Variants in RRP9 observed in about 807,000 individuals in gnomAD.
The protein encoded by RRP9 is ribosomal RNA processing 9, U3 small nucleolar RNA binding protein.
In RRP9, 35 loss-of-function variants were observed where a neutral mutation model predicts 65.5. The ratio of observed to expected loss-of-function variants is 0.53; its 90% CI spans 0.41 to 0.71. RRP9 has a LOEUF of 0.71. RRP9 is among the 30% of genes least tolerant of loss of function. The pLI, the probability that RRP9 is intolerant of heterozygous loss-of-function variation, is 0.00. For synonymous variants in RRP9, 254 were observed against 245.0 expected (o/e 1.04, Z -0.34); for missense variants, 533 against 633.6 (o/e 0.84, Z 1.70).
In RRP9 at chr3:51,936,278, T is replaced by C. The variant is rs1460947015; in HGVS notation, c.714A>G (p.Thr238=). ...TCACCGACACTGCATCCCGGTGTCC[T>C]GTGAAGGTGTACAAGTGCTGGCAGC... ...AQSCQHLYTF[T]GHRDAVSGLA... is the part of the protein sequence containing the mutation. Residue 238 remains threonine, a synonymous_variant, in exon 8 of 15, where the codon ACA becomes ACG. Coordinates refer to ENST00000232888, the MANE Select transcript of RRP9 (RefSeq NM_004704.5). 1 of 1,613,948 alleles carries C rather than the reference T, an allele frequency of 6.2e-7. No individual in the cohort carries two copies. The highest frequency in any genetic ancestry group is 2.2e-5 in the East Asian group (1 of 44,888).
Position 51,934,605 on chromosome 3 carries a change from T to A in RRP9, c.1180+26A>T, listed in dbSNP as rs748339736. The A allele has an allele frequency of 6.2e-7, 1 of 1,613,738 alleles. No homozygotes were observed. On this transcript the variant is annotated intron_variant, in intron 12 of 14. Coordinates refer to ENST00000232888, the MANE Select transcript of RRP9 (RefSeq NM_004704.5). The surrounding 1 kb of genome is among the most constrained non-coding windows in gnomAD (Gnocchi z 4.1). Reference sequence around the variant, plus strand: ...CTGCACCGGCCCACCCGGCGACCCCTCCTCCCTGCCTCTCAGGGCACCCAC... The same window carrying A: ...CTGCACCGGCCCACCCGGCGACCCCACCTCCCTGCCTCTCAGGGCACCCAC...
chr3:51,935,114 C>T (rs562631601), intron 11 of RRP9, 83 bp downstream of exon 11: 3 of 1,404,896 alleles, frequency 2.1e-6, no homozygotes, highest in African/African-American at 1.4e-5. Context: ...ACTGGGGGTG[C>T]CCTGAGGCAA....
Position 51,933,520 on chromosome 3 carries a change from C to G in RRP9, c.1414G>C (p.Ala472Pro), listed in dbSNP as rs761785735. 6.2e-7 allele frequency: 1 copy of G among 1,613,894 alleles called. No homozygotes were observed. The highest frequency in any genetic ancestry group is 8.5e-7 in the Non-Finnish European group (1 of 1,179,850). ...IPLRRVPVPP[A>P]AGS ...GGATAAGAGTGTCAGGAACCAGCAG[C>G]TGGGGGTACAGGGACCCTGCGGAGT... Residue 472 changes from alanine to proline, a missense_variant, in exon 15 of 15, where the codon GCT becomes CCT. Ala to Pro is a conservative substitution (Grantham distance 27). Coordinates refer to ENST00000232888, the MANE Select transcript of RRP9 (RefSeq NM_004704.5).
intron 2 of RRP9, among the ~76,000 whole-genome samples, chr3:51,940,031 C>T (rs1436893462): frequency 2.6e-5 from 4 of 152,112 alleles, no homozygotes; most frequent in Admixed American, 1.3e-4. Context: ...CTAAGATGGG[C>T]GGATCACTTG....
Position 51,933,602 on chromosome 3 carries a change from G to A in RRP9, c.1335-3C>T. ...TGATTCTCCACCATCGGCCAAGCCT[G>A]CAGGGAGTGCAAGACGCAGCTGAGA... On this transcript the variant is annotated splice_polypyrimidine_tract_variant and splice_region_variant and intron_variant, in intron 14 of 14. Transcript: ENST00000232888. 2 of 1,613,878 alleles carry A rather than the reference G, an allele frequency of 1.2e-6. No homozygotes were observed. Among genetic ancestry groups the A allele is most frequent in the African/African-American group, 1.3e-5 (1 of 74,992 alleles).
intron 8 of RRP9, among the ~76,000 whole-genome samples, 188 bp downstream of exon 8, chr3:51,936,069 C>T (rs960133254): frequency 2.6e-5 from 4 of 152,132 alleles, no homozygotes; most frequent in African/African-American, 7.2e-5. Context: ...TGAGCAAGCT[C>T]GGCCCGGTCT....
At position 51,937,569 on chromosome 3, in the gene RRP9, C is replaced by G. The variant is rs1475346497; in HGVS notation, c.366G>C (p.Arg122Ser). 1.9e-6 allele frequency: 3 copies of G among 1,614,246 alleles called. No homozygotes were observed. The highest frequency in any genetic ancestry group is 1.6e-4 in the Middle Eastern group (1 of 6,062). The change falls in exon 5 of 15, where the codon AGG becomes AGC. Residue 122 changes from arginine to serine, a missense_variant. Coordinates refer to ENST00000232888, the MANE Select transcript of RRP9 (RefSeq NM_004704.5). The surrounding 1 kb of genome is among the most constrained non-coding windows in gnomAD (Gnocchi z 5.0). ...LKEDVLEQRG[R>S]LQKLVAKEIQ... Reference sequence around the variant, plus strand: ...CCTCTTTTGCCACCAACTTCTGCAGCCTGCCCCTCTGCTCAAGCTGCATGG... The same window carrying G: ...CCTCTTTTGCCACCAACTTCTGCAGGCTGCCCCTCTGCTCAAGCTGCATGG...
intron 11 of RRP9, 120 bp downstream of exon 11, chr3:51,935,077 A>G (rs756363051): frequency 9.3e-7 from 1 of 1,077,054 alleles, no homozygotes; most frequent in African/African-American, 1.6e-5. Context: ...ATCCTCATCC[A>G]TGAAAAGAGG....
chr3:51,934,807 G>A lies in RRP9; in HGVS notation c.1035-31C>T. 6.3e-7 allele frequency: 1 copy of A among 1,599,004 alleles called. No homozygotes were observed. Among genetic ancestry groups the A allele is most frequent in the African/African-American group, 1.3e-5 (1 of 74,802 alleles). On this transcript the variant is annotated intron_variant, in intron 11 of 14. Coordinates refer to ENST00000232888, the MANE Select transcript of RRP9 (RefSeq NM_004704.5). This position sits in a 1 kb window ranked among gnomAD's most constrained non-coding sequence, Gnocchi z 4.1. ...AACAGGGAGGGAATACAGCAGTGAGGGGGCCAGAGGCAGAAAAGGCCCCCT... is the reference window on the plus strand; with the variant it reads ...AACAGGGAGGGAATACAGCAGTGAGAGGGCCAGAGGCAGAAAAGGCCCCCT...
intron 2 of RRP9, among the ~76,000 whole-genome samples, chr3:51,940,628 C>A (rs534076862): frequency 6.6e-6 from 1 of 152,156 alleles, no homozygotes; most frequent in Non-Finnish European, 1.5e-5. Flanking sequence ...GATCCCCAAA[C>A]CTTAGCCTCC....
Position 51,941,232 on chromosome 3 carries a change from C to A in RRP9, c.170+177G>T, listed in dbSNP as rs143366999. ...ATTGGGGCCCAGGGTCCTTCCCACCCAGAGACCTCGCAGAAACAAGACTTT... is the reference window on the plus strand; with the variant it reads ...ATTGGGGCCCAGGGTCCTTCCCACCAAGAGACCTCGCAGAAACAAGACTTT... On this transcript the variant is annotated intron_variant, in intron 2 of 14. Transcript: ENST00000232888. Among the ~76,000 whole-genome samples, 138 of 152,304 alleles carry A rather than the reference C, an allele frequency of 9.1e-4. 1 individual carries two copies. Among genetic ancestry groups the A allele is most frequent in the African/African-American group, 3.2e-3 (131 of 41,566 alleles).
Position 51,938,171 on chromosome 3 carries a change from C to T in RRP9, c.204G>A (p.Glu68=). ...LAPRKPEEEE[E]EELEETAQEK... ...CCTGTGCAGTTTCCTCCAGCTCCTC[C>T]TCCTCCTCCTCCTCAGGCTTCCTTG... The change falls in exon 3 of 15, where the codon GAG becomes GAA. Residue 68 remains glutamate, a synonymous_variant. Coordinates refer to ENST00000232888, the MANE Select transcript of RRP9 (RefSeq NM_004704.5). 6.3e-7 allele frequency: 1 copy of T among 1,583,632 alleles called. No individual in the cohort carries two copies. The highest frequency in any genetic ancestry group is 8.6e-7 in the Non-Finnish European group (1 of 1,167,146).
At position 51,934,302 on chromosome 3, in the gene RRP9, G is replaced by T. The variant is rs1699425757; in HGVS notation, c.1260+170C>A. 6.6e-6 allele frequency among the ~76,000 whole-genome samples: 1 copy of T among 152,244 alleles called. No homozygotes were observed. On this transcript the variant is annotated intron_variant, in intron 13 of 14. Coordinates refer to ENST00000232888, the MANE Select transcript of RRP9 (RefSeq NM_004704.5). The surrounding 1 kb of genome is among the most constrained non-coding windows in gnomAD (Gnocchi z 4.1). ...CCCTGGACAGGGCCTAGGATAGGAA[G>T]GGGAGCAGAGGAGGGAAAGTGGGGA... is the stretch of plus-strand genomic sequence containing the variant.
Position 51,934,632 on chromosome 3 carries a change from T to G in RRP9, c.1179A>C (p.Thr393=), listed in dbSNP as rs1238890810. ...AALLNTDLVA[T]GSHSSCVRLW... is the part of the protein sequence containing the mutation. The stretch of plus-strand genomic sequence containing the variant: ...CTCCCTGCCTCTCAGGGCACCCACC[T>G]GTGGCCACAAGGTCTGTGTTGAGGA... Residue 393 remains threonine, a splice_region_variant and synonymous_variant, in exon 12 of 15, where the codon ACA becomes ACC. Coordinates refer to ENST00000232888, the MANE Select transcript of RRP9 (RefSeq NM_004704.5). The surrounding 1 kb of genome is among the most constrained non-coding windows in gnomAD (Gnocchi z 4.1). 1 of 1,614,038 alleles carries G rather than the reference T, an allele frequency of 6.2e-7. No homozygotes were observed. The highest frequency in any genetic ancestry group is 2.2e-5 in the East Asian group (1 of 44,860).
At chr3:51,941,230 C>T (rs1167569364) in intron 2 of RRP9, among the ~76,000 whole-genome samples, 179 bp downstream of exon 2, 1 of 152,190 alleles carries the variant, frequency 6.6e-6, no homozygotes, top group Non-Finnish European at 1.5e-5. Context: ...GTCCTTCCCA[C>T]CCAGAGACCT....
Position 51,935,261 on chromosome 3 carries a change from T to C in RRP9, c.972-2A>G. The C allele has an allele frequency of 6.2e-7, 1 of 1,614,148 alleles. No individual in the cohort carries two copies. Among genetic ancestry groups the C allele is most frequent in the Admixed American group, 1.7e-5 (1 of 60,024 alleles). On this transcript the variant is annotated splice_acceptor_variant, in intron 10 of 14. Coordinates refer to ENST00000232888, the MANE Select transcript of RRP9 (RefSeq NM_004704.5). LOFTEE classifies it high-confidence loss of function. ...AGGTGGATGCAGTCGATGGAGCCCCTGGAGAAAGGGGCTGTGAGGAGCGTG... is the reference window on the plus strand; with the variant it reads ...AGGTGGATGCAGTCGATGGAGCCCCCGGAGAAAGGGGCTGTGAGGAGCGTG...
In RRP9 at chr3:51,936,551, G is replaced by A. The variant is rs1186032022; in HGVS notation, c.522C>T (p.Ser174=). 1 of 1,613,800 alleles carries A rather than the reference G, an allele frequency of 6.2e-7. No individual in the cohort carries two copies. Among genetic ancestry groups the A allele is most frequent in the Non-Finnish European group, 8.5e-7 (1 of 1,179,944 alleles). Residue 174 remains serine, a synonymous_variant, in exon 7 of 15, where the codon AGC becomes AGT. Transcript: ENST00000232888. ...AAKDCSIIKW[S]VESGRKLHVI... ...CATGCAGCTTCCGTCCACTCTCCAC[G>A]CTCCCTGCAGTTGGGGGTGGGGGAG...
Position 51,941,426 on chromosome 3 carries a change from G to T in RRP9, c.153C>A (p.Ser51Arg). 6.2e-7 allele frequency: 1 copy of T among 1,614,014 alleles called. No homozygotes were observed. Among genetic ancestry groups the T allele is most frequent in the East Asian group, 2.2e-5 (1 of 44,880 alleles). ...GGGKMNEEIS[S>R]DSESESLAPR... ...TAGCTCACCTCTCGCTCTCAGAGTC[G>T]CTGGAGATCTCCTCATTCATCTTGC... Residue 51 changes from serine to arginine, a missense_variant, in exon 2 of 15, where the codon AGC becomes AGA. Ser to Arg is a moderately radical substitution (Grantham distance 110). Around this residue, in one of 3 missense-constraint regions of RRP9, gnomAD observed 7 missense variants for 22.5 expected, o/e 0.31. Transcript: ENST00000232888.
Position 51,935,122 on chromosome 3 carries a change from C to A in RRP9, c.1034+75G>T, listed in dbSNP as rs533409848. ...CTCCCCCACTGGGGGTGCCCTGAGG[C>A]AAGCTCAGGGCCCCGTGGACAGCCA... On this transcript the variant is annotated intron_variant, in intron 11 of 14. Transcript: ENST00000232888. 5.7e-3 allele frequency: 8,615 copies of A among 1,514,522 alleles called. 42 individuals carry two copies. Among genetic ancestry groups the A allele is most frequent in the Non-Finnish European group, 6.6e-3 (7,222 of 1,093,648 alleles). 93.8% of individuals were successfully genotyped at this position (1,514,522 alleles called of 1,614,324 possible). A position where few individuals can be genotyped will look rare whatever the true frequency, so the allele number is the denominator to read the frequency against.
Sources: allele counts gnomAD v4.1 joint callset (sites outside exome capture counted in the v4.1 genomes callset), GRCh38; gene constraint gnomAD v4.1.1; regional missense constraint gnomAD v4.1.1; non-coding constraint Gnocchi (gnomAD v3.1); transcripts MANE v1.5; gene names NCBI Gene and HGNC (gene_info 2026-07-23, HGNC 2026-07-21).